The following ABLIM1 variants were observed in gnomAD, a reference collection of about 807,000 sequenced individuals.
ABLIM1 encodes the protein actin binding LIM protein 1.
A neutral mutation model predicts 107.0 loss-of-function variants in ABLIM1; 40 were observed. The ratio of observed to expected loss-of-function variants is 0.37; its 90% CI spans 0.29 to 0.49. ABLIM1 has a LOEUF of 0.49. Ranked by LOEUF, ABLIM1 falls within the 20% of genes least tolerant of loss-of-function variation. ABLIM1 has a pLI of 0.97. For missense variants in ABLIM1, 857 were observed against 1,008.5 expected (o/e 0.85, Z 2.04); for synonymous variants, 357 against 357.3 (o/e 1.00, Z 0.01).
chr10:114,541,400 C>T (rs2066640782), intron 6 of ABLIM1, among the ~76,000 whole-genome samples: 1 of 152,088 alleles, frequency 6.6e-6, no homozygotes, highest in Non-Finnish European at 1.5e-5. Context: ...AAAAAACCCA[C>T]AAAACCCCAA....
chr10:114,482,495 T>A (rs191934485), intron 8 of ABLIM1, among the ~76,000 whole-genome samples: 1 of 152,278 alleles, frequency 6.6e-6, no homozygotes, highest in African/African-American at 2.4e-5. Flanking sequence ...TAGCCAAAAG[T>A]ACTTAAAAGA....
At chr10:114,770,605 T>C (rs1017198156), upstream of ABLIM1, among the ~76,000 whole-genome samples, 4 of 152,232 alleles carry the variant, frequency 2.6e-5, no homozygotes, top group African/African-American at 7.2e-5. Context: ...AATCAACTTC[T>C]GTGGCATTTA....
At chr10:114,716,791 T>C (rs891071003) in intron 1 of ABLIM1, among the ~76,000 whole-genome samples, 2 of 146,908 alleles carry the variant, frequency 1.4e-5, no homozygotes, top group Non-Finnish European at 3.0e-5. Context: ...CTTCTGCAGA[T>C]GCCAATTATG....
upstream of ABLIM1, among the ~76,000 whole-genome samples, chr10:114,660,028 C>T (rs558642634): frequency 4.8e-4 from 73 of 152,196 alleles, no homozygotes; most frequent in African/African-American, 1.4e-3. Flanking sequence ...ATGTGAAGCA[C>T]GGTGGGAATG....
chr10:114,715,524 C>T (rs1408134175), intron 1 of ABLIM1, among the ~76,000 whole-genome samples: 5 of 152,216 alleles, frequency 3.3e-5, no homozygotes, highest in South Asian at 4.1e-4. Context: ...CCCTGATAAG[C>T]GATCCAGGCT....
chr10:114,515,231 G>T (rs565998963), intron 6 of ABLIM1, among the ~76,000 whole-genome samples: 55 of 152,310 alleles, frequency 3.6e-4, no homozygotes, highest in African/African-American at 1.2e-3. Flanking sequence ...GCCATGTCAA[G>T]GCTACCCTGC....
intron 4 of ABLIM1, among the ~76,000 whole-genome samples, chr10:114,563,611 G>A (rs528350612): frequency 5.3e-5 from 8 of 151,872 alleles, no homozygotes; most frequent in African/African-American, 1.9e-4. Flanking sequence ...GAGGTGGGTC[G>A]ATCATTTGAG....
At chr10:114,773,420 C>T in the ABLIM1 span, among the ~76,000 whole-genome samples, 1 of 152,106 alleles carries the variant, frequency 6.6e-6, no homozygotes, top group East Asian at 1.9e-4. Flanking sequence ...TATAATTGTT[C>T]ATTTAAAATT....
rs906412634 is a variant in ABLIM1 at position 114,651,687 on chromosome 10, T to TA, written c.244+6269dup. Among the ~76,000 whole-genome samples the TA allele has an allele frequency of 2.9e-4, 44 of 149,364 alleles. 1 individual carries two copies. The highest frequency in any genetic ancestry group is 7.1e-4 in the African/African-American group (29 of 40,794). On this transcript the variant is annotated intron_variant, in intron 1 of 22. Transcript: ENST00000533213. Reference sequence around the variant, plus strand: ...AAAAGGGGTTATTGGTAACTATAAATAAAAAAAAAATGCAAACTATCTAAT... The same window carrying TA: ...AAAAGGGGTTATTGGTAACTATAAATAAAAAAAAAAATGCAAACTATCTAAT...
chr10:114,697,933 T>C (rs2081229459), intron 1 of ABLIM1, among the ~76,000 whole-genome samples: 1 of 152,210 alleles, frequency 6.6e-6, no homozygotes, highest in African/African-American at 2.4e-5. Context: ...GATTACATTT[T>C]AGAGATCTCT....
rs1566269566 is a variant in ABLIM1, at chr10:114,718,070, A to AAGGAAGG, written c.-213+49990_-213+49991insCCTTCCT. On this transcript the variant is annotated intron_variant, in intron 1 of 15. Transcript: ENST00000651092. Reference sequence around the variant, plus strand: ...GAAAGAAAGAAAGAAAGAAAGGAAGAAAGGAAGGAAGGAAGGAAGGAAGGA... The same window carrying AAGGAAGG: ...GAAAGAAAGAAAGAAAGAAAGGAAGAAGGAAGGAAGGAAGGAAGGAAGGAAGGAAGGA... Among the ~76,000 whole-genome samples the AAGGAAGG allele has an allele frequency of 8.5e-3, 457 of 54,030 alleles. 4 individuals carry two copies. Among genetic ancestry groups the AAGGAAGG allele is most frequent in the African/African-American group, 0.015 (294 of 20,250 alleles). 35.4% of individuals were successfully genotyped at this position (54,030 alleles called of 152,430 possible).
At chr10:114,573,797 T>A (rs2072059785) in intron 3 of ABLIM1, among the ~76,000 whole-genome samples, 1 of 152,158 alleles carries the variant, frequency 6.6e-6, no homozygotes, top group South Asian at 2.1e-4. Context: ...TGGAAAAAGC[T>A]AAATCACATA....
chr10:114,644,329 A>ATATATATATATATGTG (rs1158947105), intron 1 of ABLIM1, among the ~76,000 whole-genome samples: 75 of 114,902 alleles, frequency 6.5e-4, no homozygotes, highest in African/African-American at 2.9e-3. Flanking sequence ...ATATATATAT[A>ATATATATATATATGTG]TGTGTATATA....
chr10:114,562,722 C>A lies in ABLIM1; in HGVS notation c.673+8575G>T, dbSNP rs1276021297. On this transcript the variant is annotated intron_variant, in intron 4 of 22. Coordinates refer to ENST00000533213, the MANE Select transcript of ABLIM1 (RefSeq NM_002313.7). ...CATCTTCATTCAAACAGCAATCAGACCTCACCATTCAGACCTGGGAGCTGA... is the reference window on the plus strand; with the variant it reads ...CATCTTCATTCAAACAGCAATCAGAACTCACCATTCAGACCTGGGAGCTGA... Among the ~76,000 whole-genome samples, 3 of 152,302 alleles carry A rather than the reference C, an allele frequency of 2.0e-5. No homozygotes were observed. The South Asian group carries it at 6.2e-4, about 32-fold the overall frequency.
chr10:114,756,214 T>C (rs897372065), intron 1 of ABLIM1, among the ~76,000 whole-genome samples: 1 of 152,162 alleles, frequency 6.6e-6, no homozygotes, highest in Non-Finnish European at 1.5e-5. Context: ...CTTTAAATGC[T>C]ACCTTTACTA....
chr10:114,681,665 C>T (rs1047370634), intron 1 of ABLIM1, among the ~76,000 whole-genome samples: 12 of 152,210 alleles, frequency 7.9e-5, no homozygotes, highest in Non-Finnish European at 8.8e-5. Flanking sequence ...CAAAATATTA[C>T]AAAGAAGAGT....
chr10:114,641,762 C>T (rs2078765261), intron 1 of ABLIM1, among the ~76,000 whole-genome samples: 1 of 152,142 alleles, frequency 6.6e-6, no homozygotes, highest in East Asian at 1.9e-4. Context: ...CTGGTATGTT[C>T]AAGGCAGTGG....
chr10:114,506,010 C>T (rs987613513), intron 6 of ABLIM1, among the ~76,000 whole-genome samples: 8 of 152,206 alleles, frequency 5.3e-5, no homozygotes, highest in Admixed American at 3.9e-4. Flanking sequence ...CAACCCACTT[C>T]CCCTGTCACC....
chr10:114,702,525 C>CTT (rs11374796), intron 1 of ABLIM1, among the ~76,000 whole-genome samples: 2,123 of 129,542 alleles, frequency 0.016, 29 homozygotes, highest in Middle Eastern at 0.027. Context: ...AGTAAGAACA[C>CTT]TTTTTTTTTT....
Sources: allele counts gnomAD v4.1 joint callset (sites outside exome capture counted in the v4.1 genomes callset), GRCh38; gene constraint gnomAD v4.1.1; transcripts MANE v1.5; gene names NCBI Gene and HGNC (gene_info 2026-07-23, HGNC 2026-07-21).